The following C12orf42 variants were observed in gnomAD, a reference collection of about 807,000 sequenced individuals.
The protein encoded by C12orf42 is uncharacterized protein C12orf42.
In C12orf42, 25 loss-of-function variants were observed where a neutral mutation model predicts 21.6. The ratio of observed to expected loss-of-function variants is 1.16; its 90% CI spans 0.84 to 1.62. The LOEUF (loss-of-function observed/expected upper bound fraction) is 1.62. C12orf42 is among the 40% of genes most tolerant of loss of function. C12orf42 has a pLI of 0.00. For missense variants in C12orf42, 483 were observed against 459.3 expected (o/e 1.05, Z -0.47); for synonymous variants, 174 against 175.0 (o/e 0.99, Z 0.05).
rs74761085 is a variant in C12orf42 at position 103,277,564 on chromosome 12, C to A, written n.338-354G>T. 0.012 allele frequency among the ~76,000 whole-genome samples: 1,754 copies of A among 151,994 alleles called. 97 individuals carry two copies. The East Asian group carries it at 0.19, about 16-fold the overall frequency. On this transcript the variant is annotated intron_variant and non_coding_transcript_variant, in intron 4 of 6. Coordinates refer to the C12orf42 transcript ENST00000546526. ...GTTTCTGGATTACACTTGAGAACCA[C>A]TGATATATAATAAAAATTCATCTGA...
At chr12:103,307,661 T>A (rs893311807) in intron 4 of C12orf42, among the ~76,000 whole-genome samples, 2 of 151,896 alleles carry the variant, frequency 1.3e-5, no homozygotes. Context: ...GCCAATTTGG[T>A]AGTGGGTTGG....
the C12orf42 span, among the ~76,000 whole-genome samples, chr12:103,065,113 C>T: frequency 2.0e-5 from 3 of 152,188 alleles, no homozygotes; most frequent in Admixed American, 2.0e-4. Context: ...AGTATTGGAT[C>T]CCTGGAGGGA....
At chr12:103,520,474 A>G in the C12orf42 span, among the ~76,000 whole-genome samples, 1 of 152,148 alleles carries the variant, frequency 6.6e-6, no homozygotes. Flanking sequence ...GGATGGCTTG[A>G]GGCCAGAAGT....
intron 4 of C12orf42, among the ~76,000 whole-genome samples, chr12:103,307,749 T>C (rs1339073208): frequency 1.3e-5 from 2 of 151,970 alleles, no homozygotes; most frequent in African/African-American, 4.8e-5. Context: ...TAGAGGGGCA[T>C]GCACATGTGT....
At chr12:103,116,411 C>T in the C12orf42 span, among the ~76,000 whole-genome samples, 5 of 145,118 alleles carry the variant, frequency 3.4e-5, no homozygotes, top group African/African-American at 7.7e-5. Context: ...TATACATATA[C>T]ATATATATAT....
At chr12:103,238,448 A>G (rs547944894) in intron 10 of C12orf42, among the ~76,000 whole-genome samples, 23 of 152,198 alleles carry the variant, frequency 1.5e-4, no homozygotes, top group Non-Finnish European at 1.9e-4. Flanking sequence ...GGCCTACTGT[A>G]CCAGAATCTT....
intron 2 of C12orf42, among the ~76,000 whole-genome samples, chr12:103,445,432 T>G (rs983595472): frequency 2.8e-4 from 42 of 152,008 alleles, no homozygotes; most frequent in African/African-American, 8.2e-4. Context: ...ACATTCCATT[T>G]ACTCTTTTTT....
At chr12:103,215,296 A>G in the C12orf42 span, among the ~76,000 whole-genome samples, 1 of 151,952 alleles carries the variant, frequency 6.6e-6, no homozygotes, top group South Asian at 2.1e-4. Context: ...AAATATAAAT[A>G]CATATATTAA....
At chr12:103,245,426 G>A (rs576749815) in intron 10 of C12orf42, among the ~76,000 whole-genome samples, 8 of 152,096 alleles carry the variant, frequency 5.3e-5, no homozygotes, top group African/African-American at 1.9e-4. Context: ...GAACACTAGA[G>A]GAGTAATCAC....
chr12:103,064,824 C>T, the C12orf42 span, among the ~76,000 whole-genome samples: 1 of 152,182 alleles, frequency 6.6e-6, no homozygotes, highest in African/African-American at 2.4e-5. Flanking sequence ...GGACACAAAA[C>T]ATCATTGTGA....
intron 10 of C12orf42, among the ~76,000 whole-genome samples, chr12:103,245,499 C>T (rs541908482): frequency 3.3e-5 from 5 of 151,930 alleles, no homozygotes; most frequent in Non-Finnish European, 7.4e-5. Context: ...TGAAAATAAA[C>T]CCTAACATAG....
chr12:103,434,207 T>C (rs7967288), intron 2 of C12orf42, among the ~76,000 whole-genome samples: 98,310 of 151,934 alleles, frequency 0.65, 32,350 homozygotes, highest in Admixed American at 0.73. Context: ...CAACAGCTCC[T>C]CTAACCTCTT....
At chr12:103,125,164 A>G in the C12orf42 span, among the ~76,000 whole-genome samples, 5 of 152,320 alleles carry the variant, frequency 3.3e-5, no homozygotes, top group East Asian at 7.7e-4. Context: ...TCCTTTTCAA[A>G]AAAGACTTTT....
chr12:103,340,179 A>G lies in C12orf42; in HGVS notation c.259+28708T>C, dbSNP rs1593506056. The stretch of plus-strand genomic sequence containing the variant: ...AGTGTTCTTGGTGAAAAATACTAAG[A>G]GAAGAGCGCTAAAGAGAGTGAGTTC... On this transcript the variant is annotated intron_variant, in intron 4 of 5. Transcript: ENST00000548883. Among the ~76,000 whole-genome samples, 14 of 152,328 alleles carry G rather than the reference A, an allele frequency of 9.2e-5. No homozygotes were observed. In the South Asian group the frequency reaches 2.5e-3, roughly 27 times the overall value.
chr12:103,509,566 G>C, the C12orf42 span, among the ~76,000 whole-genome samples: 2 of 152,102 alleles, frequency 1.3e-5, no homozygotes, highest in Non-Finnish European at 1.5e-5. Context: ...ATTCCAAGGA[G>C]AGCAGGTACT....
In C12orf42 at chr12:103,320,373, T is replaced by A. The variant is rs147012883; in HGVS notation, c.260-14028A>T. Among the ~76,000 whole-genome samples, 536 of 152,286 alleles carry A rather than the reference T, an allele frequency of 3.5e-3. 13 individuals are homozygous for A. Among genetic ancestry groups the A allele is most frequent in the Admixed American group, 0.031 (476 of 15,288 alleles). On this transcript the variant is annotated intron_variant, in intron 4 of 5. Transcript: ENST00000548883. Reference sequence around the variant, plus strand: ...CACACTGAGAAGAGAAATCACATATTTTAACGCCTCAGAGTCTTCAAGCAT... The same window carrying A: ...CACACTGAGAAGAGAAATCACATATATTAACGCCTCAGAGTCTTCAAGCAT...
chr12:103,441,655 T>G (rs182662282), intron 2 of C12orf42: 6 of 152,122 alleles, frequency 3.9e-5, no homozygotes, highest in Non-Finnish European at 8.8e-5. Flanking sequence ...CTGGGGACAA[T>G]AGAAAGCAAG....
At chr12:103,153,581 A>G in the C12orf42 span, among the ~76,000 whole-genome samples, 1 of 152,168 alleles carries the variant, frequency 6.6e-6, no homozygotes, top group African/African-American at 2.4e-5. Flanking sequence ...AAGGTGCTCA[A>G]ATTCATTTAT....
At chr12:103,447,865 C>A (rs557059014) in intron 2 of C12orf42, among the ~76,000 whole-genome samples, 1 of 152,096 alleles carries the variant, frequency 6.6e-6, no homozygotes, top group South Asian at 2.1e-4. Context: ...AACGACCATA[C>A]TGCCAAAAGC....
Sources: allele counts gnomAD v4.1 joint callset (sites outside exome capture counted in the v4.1 genomes callset), GRCh38; gene constraint gnomAD v4.1.1; transcripts MANE v1.5; gene names NCBI Gene and HGNC (gene_info 2026-07-23, HGNC 2026-07-21).